The following PTPN14 variants were observed in gnomAD, a reference collection of about 807,000 sequenced individuals.
PTPN14 encodes protein tyrosine phosphatase non-receptor type 14, also known as tyrosine-protein phosphatase non-receptor type 14.
PTPN14 carries 53 observed loss-of-function variants against 126.8 expected under a neutral mutation model. That is an observed-to-expected ratio of 0.42 (90% CI 0.34 to 0.53). PTPN14 has a LOEUF of 0.53. Among genes scored for constraint, PTPN14 ranks in the 20% least tolerant of loss-of-function variants. PTPN14 has a pLI of 0.08. For synonymous variants in PTPN14, 630 were observed against 599.3 expected (o/e 1.05, Z -0.75); for missense variants, 1,257 against 1,552.9 (o/e 0.81, Z 3.20).
intron 1 of PTPN14, among the ~76,000 whole-genome samples, chr1:214,535,733 C>T (rs371321558): frequency 2.6e-4 from 39 of 149,840 alleles, no homozygotes; most frequent in African/African-American, 8.7e-4. Context: ...GAGCCAAGAT[C>T]ATGCCATTGC....
chr1:214,488,280 T>C (rs1661159137), intron 1 of PTPN14, among the ~76,000 whole-genome samples: 1 of 152,190 alleles, frequency 6.6e-6, no homozygotes, highest in Admixed American at 6.5e-5. Flanking sequence ...TTAATAGAAA[T>C]TGATTATTAC....
intron 1 of PTPN14, among the ~76,000 whole-genome samples, chr1:214,477,050 C>T (rs1443604411): frequency 6.6e-6 from 1 of 152,014 alleles, no homozygotes; most frequent in African/African-American, 2.4e-5. Context: ...AATATGAAAC[C>T]AAAACATGCA....
At chr1:214,547,316 G>A (rs1007870899) in intron 1 of PTPN14, among the ~76,000 whole-genome samples, 1 of 152,100 alleles carries the variant, frequency 6.6e-6, no homozygotes, top group African/African-American at 2.4e-5. Context: ...ATGATCTCCA[G>A]CCCTGCACGC....
At chr1:214,410,000 AT>A (rs1659265479) in intron 5 of PTPN14, among the ~76,000 whole-genome samples, 1 of 151,808 alleles carries the variant, frequency 6.6e-6, no homozygotes, top group Non-Finnish European at 1.5e-5. Context: ...TAATAGGGCT[AT>A]TTGTTTTCTT....
chr1:214,521,592 G>T (rs1452853542), intron 1 of PTPN14, among the ~76,000 whole-genome samples: 2 of 152,090 alleles, frequency 1.3e-5, no homozygotes. Flanking sequence ...GCGTGTGCCT[G>T]TAATCCCAGC....
At chr1:214,452,795 A>G (rs1242371812) in intron 2 of PTPN14, among the ~76,000 whole-genome samples, 1 of 152,244 alleles carries the variant, frequency 6.6e-6, no homozygotes, top group Non-Finnish European at 1.5e-5. Flanking sequence ...GGATTAGCAC[A>G]ACAATCACCA....
intron 1 of PTPN14, among the ~76,000 whole-genome samples, chr1:214,465,981 G>A (rs1572017828): frequency 1.8e-4 from 1 of 5,710 alleles, no homozygotes; most frequent in Admixed American, 2.2e-3. Context: ...TGTGAAGACG[G>A]AGTCTCACCT....
chr1:214,422,730 G>A (rs1346067290), intron 3 of PTPN14, among the ~76,000 whole-genome samples: 1 of 152,094 alleles, frequency 6.6e-6, no homozygotes, highest in Non-Finnish European at 1.5e-5. Flanking sequence ...TGGTCTGAAG[G>A]ATAAAATACA....
At chr1:214,519,102 C>T (rs760939542) in intron 1 of PTPN14, among the ~76,000 whole-genome samples, 19 of 152,070 alleles carry the variant, frequency 1.2e-4, no homozygotes, top group Non-Finnish European at 2.4e-4. Flanking sequence ...AACCCCACCT[C>T]CACTAAAAAT....
chr1:214,458,384 A>C (rs957080370), intron 2 of PTPN14, among the ~76,000 whole-genome samples: 1 of 152,134 alleles, frequency 6.6e-6, no homozygotes, highest in African/African-American at 2.4e-5. Flanking sequence ...AAATGGAACA[A>C]GCAGACTTAC....
intron 4 of PTPN14, 53 bp downstream of exon 4, chr1:214,414,576 C>A: frequency 6.7e-7 from 1 of 1,502,194 alleles, no homozygotes; most frequent in Non-Finnish European, 9.3e-7. Context: ...GCCAGCAACA[C>A]CATGATCAAA....
intron 2 of PTPN14, among the ~76,000 whole-genome samples, chr1:214,454,004 A>G (rs1373356719): frequency 3.3e-5 from 5 of 152,178 alleles, no homozygotes; most frequent in African/African-American, 1.2e-4. Context: ...AACTTATCTG[A>G]AAAGGGTCCA....
At chr1:214,428,127 G>C (rs1260876578) in intron 3 of PTPN14, among the ~76,000 whole-genome samples, 1 of 152,206 alleles carries the variant, frequency 6.6e-6, no homozygotes, top group Non-Finnish European at 1.5e-5. Flanking sequence ...TGGACTGGGA[G>C]GGGCAAGGGT....
chr1:214,383,888 A>G lies in PTPN14; in HGVS notation c.1967T>C (p.Met656Thr). Residue 656 changes from methionine to threonine, a missense_variant, in exon 13 of 19, where the codon ATG (methionine) becomes ACG (threonine). Coordinates refer to ENST00000366956, the MANE Select transcript of PTPN14 (RefSeq NM_005401.5). This position sits in a 1 kb window ranked among gnomAD's most constrained non-coding sequence, Gnocchi z 4.4. ...GGGGAGGTGGAGCGACTTGAGCGTC[A>G]TGGCCTCCATGCCCCGCACCATGCT... The part of the protein sequence containing the change: ...MNSMVRGMEA[M>T]TLKSLHLPMA... 9 of 1,613,260 alleles carry G rather than the reference A, an allele frequency of 5.6e-6. No individual in the cohort carries two copies. The highest frequency in any genetic ancestry group is 7.6e-6 in the Non-Finnish European group (9 of 1,179,980).
intron 1 of PTPN14, among the ~76,000 whole-genome samples, chr1:214,480,680 T>C (rs1271506944): frequency 6.6e-6 from 1 of 152,194 alleles, no homozygotes; most frequent in Non-Finnish European, 1.5e-5. Context: ...GATCTAAGGA[T>C]AGCTTTTGAA....
intron 3 of PTPN14, among the ~76,000 whole-genome samples, chr1:214,433,693 C>A (rs1558100069): frequency 6.6e-6 from 1 of 151,912 alleles, no homozygotes; most frequent in East Asian, 1.9e-4. Context: ...CAGCACACAG[C>A]AGATATTCAA....
At chr1:214,523,524 G>C (rs1655313355) in intron 1 of PTPN14, among the ~76,000 whole-genome samples, 1 of 152,234 alleles carries the variant, frequency 6.6e-6, no homozygotes, top group Non-Finnish European at 1.5e-5. Context: ...GCCTAGGTGT[G>C]TAGTAGGCTC....
chr1:214,429,720 A>C (rs553656148), intron 3 of PTPN14, among the ~76,000 whole-genome samples: 7 of 152,348 alleles, frequency 4.6e-5, no homozygotes, highest in Non-Finnish European at 5.9e-5. Context: ...GGGCTGTCCA[A>C]GCCAACTAGA....
At chr1:214,519,900 A>G (rs915231650) in intron 1 of PTPN14, among the ~76,000 whole-genome samples, 1 of 151,732 alleles carries the variant, frequency 6.6e-6, no homozygotes, top group African/African-American at 2.4e-5. Flanking sequence ...ATAAAAAATT[A>G]GCTGGGCATG....
Sources: gnomAD v4.1 joint callset for allele counts (sites outside exome capture counted in the v4.1 genomes callset) on GRCh38, gnomAD v4.1.1 for gene constraint, Gnocchi (gnomAD v3.1) non-coding constraint, MANE v1.5 for transcripts, NCBI Gene and HGNC (gene_info 2026-07-23, HGNC 2026-07-21) for gene names.